TRAPPC3: variants seen among roughly 807,000 people sequenced by gnomAD.
TRAPPC3 encodes trafficking protein particle complex 3.
A neutral mutation model predicts 18.2 loss-of-function variants in TRAPPC3; 5 were observed. The ratio of observed to expected loss-of-function variants is 0.28; its 90% confidence interval spans 0.14 to 0.58. The LOEUF (loss-of-function observed/expected upper bound fraction) is 0.58. Among genes scored for constraint, TRAPPC3 ranks in the 20% least tolerant of loss-of-function variants. TRAPPC3 has a pLI of 0.91. For missense variants in TRAPPC3, 176 were observed against 225.9 expected, an observed-to-expected ratio of 0.78 and a Z score of 1.41; for synonymous variants, 65 against 84.2, an observed-to-expected ratio of 0.77 and a Z score of 1.25.
At chr1:36,144,909 T>G (rs1236571061) in intron 1 of TRAPPC3, among the ~76,000 whole-genome samples, 1 of 151,068 alleles carries the variant, frequency 6.6e-6, no homozygotes, top group Non-Finnish European at 1.5e-5. Flanking sequence ...CTGAACAAAG[T>G]AAATGAAACC....
intron 1 of TRAPPC3, among the ~76,000 whole-genome samples, chr1:36,142,385 C>T (rs938912358): frequency 3.3e-5 from 5 of 152,170 alleles, no homozygotes; most frequent in African/African-American, 9.7e-5. Flanking sequence ...AGAATTGGCA[C>T]CACTGCATTA....
Position 36,136,642 on chromosome 1 carries a change from A to G in TRAPPC3, c.*561T>C, listed in dbSNP as rs1460458697. 1 of 152,700 alleles carries G rather than the reference A, an allele frequency of 6.5e-6. No homozygotes were observed. Among genetic ancestry groups the G allele is most frequent in the Non-Finnish European group, 1.5e-5 (1 of 68,072 alleles). The allele number at this position is 152,700 out of a possible 1,614,324, so 9.5% of individuals were successfully genotyped here. ...AAAAAAGGATGTACCCTCTGTAAAA[A>G]GAGGAGATGTTGCCTCCAACAGCAG... is the stretch of plus-strand genomic sequence containing the variant. On this transcript the variant is annotated 3_prime_UTR_variant, in exon 5 of 5. Transcript: ENST00000373166.
intron 1 of TRAPPC3, among the ~76,000 whole-genome samples, chr1:36,148,167 T>C (rs1644227955): frequency 6.6e-6 from 1 of 152,200 alleles, no homozygotes; most frequent in Non-Finnish European, 1.5e-5. Flanking sequence ...TAACAAAATA[T>C]TCTCGTCTTT....
At chr1:36,139,981 G>GAA in intron 2 of TRAPPC3, 88 bp downstream of exon 2, 1 of 1,460,050 alleles carries the variant, frequency 6.8e-7, no homozygotes, top group South Asian at 1.4e-5. Flanking sequence ...GAAAGAGAGA[G>GAA]AACCCTGTTT....
rs370772368 is a variant in TRAPPC3 at position 36,149,312 on chromosome 1, G to A, written c.42+25C>T. The A allele has an allele frequency of 6.2e-6, 10 of 1,613,192 alleles. No individual in the cohort carries two copies. The African/African-American group carries it at 9.4e-5, about 15-fold the overall frequency. ...TGTACGCCTCAATTTCGCCCCGCCCGCCGAGGTCACGCGCTCCAAGTTACC... is the reference window on the plus strand; with the variant it reads ...TGTACGCCTCAATTTCGCCCCGCCCACCGAGGTCACGCGCTCCAAGTTACC... On this transcript the variant is annotated intron_variant, in intron 1 of 4. Coordinates refer to ENST00000373166, the MANE Select transcript of TRAPPC3 (RefSeq NM_014408.5).
At chr1:36,152,034 G>T (rs1644275317), upstream of TRAPPC3, among the ~76,000 whole-genome samples, 1 of 152,130 alleles carries the variant, frequency 6.6e-6, no homozygotes, top group African/African-American at 2.4e-5. Context: ...TTGAGGCTGG[G>T]GTGGGAGTGA....
At chr1:36,146,284 G>A (rs1455259838) in intron 1 of TRAPPC3, among the ~76,000 whole-genome samples, 12 of 135,676 alleles carry the variant, frequency 8.8e-5, no homozygotes, top group Admixed American at 7.1e-4. Flanking sequence ...TCACCATGTT[G>A]GCCAGGATGG....
chr1:36,144,289 CAAAAAAAAAA>C (rs58378686), intron 1 of TRAPPC3, among the ~76,000 whole-genome samples: 4 of 57,482 alleles, frequency 7.0e-5, no homozygotes, highest in African/African-American at 8.9e-5. Context: ...ACCCTGTCTC[CAAAAAAAAAA>C]AAAAAAAAAA....
rs1241605771 is a variant in TRAPPC3, at chr1:36,154,720, T to C, written c.-97+1163A>G. On this transcript the variant is annotated intron_variant, in intron 1 of 4. Transcript: ENST00000617904. ...TTCTGTGCTCAGCACTTCATTTCCA[T>C]TGCCTTATTTAATCTTTACAAAGAC... is the stretch of plus-strand genomic sequence containing the variant. Among the ~76,000 whole-genome samples, 4 of 152,204 alleles carry C rather than the reference T, an allele frequency of 2.6e-5. No individual in the cohort carries two copies. In the South Asian group the frequency reaches 8.3e-4, roughly 31 times the overall value.
At chr1:36,144,518 G>T (rs573632584) in intron 1 of TRAPPC3, among the ~76,000 whole-genome samples, 10 of 152,090 alleles carry the variant, frequency 6.6e-5, no homozygotes, top group African/African-American at 2.4e-4. Flanking sequence ...GCTGGGCATG[G>T]TGGTACATGC....
upstream of TRAPPC3, among the ~76,000 whole-genome samples, chr1:36,154,285 G>C (rs1311572638): frequency 6.6e-6 from 1 of 152,130 alleles, no homozygotes; most frequent in Admixed American, 6.5e-5. Context: ...ATTACAGTGT[G>C]AGCCACCACA....
chr1:36,138,642 T>TA (rs1187000125), intron 3 of TRAPPC3, among the ~76,000 whole-genome samples: 2 of 152,220 alleles, frequency 1.3e-5, no homozygotes, highest in Non-Finnish European at 2.9e-5. Flanking sequence ...AACACTATGC[T>TA]AAACACTAGC....
intron 1 of TRAPPC3, among the ~76,000 whole-genome samples, chr1:36,147,376 G>A (rs1302464192): frequency 1.3e-5 from 2 of 151,840 alleles, no homozygotes; most frequent in Admixed American, 1.3e-4. Context: ...GAACACAGAT[G>A]CAATCCCAGT....
Position 36,137,202 on chromosome 1 carries a change from G to T in TRAPPC3, c.*1C>A. Reference sequence around the variant, plus strand: ...TGGCTATCCTCGAGTTGTAGGGATGGTTATTCCTCTCCAGCTGGAAGATTG... The same window carrying T: ...TGGCTATCCTCGAGTTGTAGGGATGTTTATTCCTCTCCAGCTGGAAGATTG... On this transcript the variant is annotated 3_prime_UTR_variant, in exon 5 of 5. Coordinates refer to ENST00000373166, the MANE Select transcript of TRAPPC3 (RefSeq NM_014408.5). The T allele has an allele frequency of 6.2e-7, 1 of 1,608,374 alleles. No homozygotes were observed. The highest frequency in any genetic ancestry group is 1.7e-4 in the Middle Eastern group (1 of 6,038).
Position 36,142,105 on chromosome 1 carries a change from G to A in TRAPPC3, c.43-1939C>T, listed in dbSNP as rs181439431. 3.4e-3 allele frequency among the ~76,000 whole-genome samples: 520 copies of A among 151,660 alleles called. 3 individuals carry two copies. The highest frequency in any genetic ancestry group is 7.4e-3 in the Admixed American group (112 of 15,210). On this transcript the variant is annotated intron_variant, in intron 1 of 4. Transcript: ENST00000373166. Reference sequence around the variant, plus strand: ...TTCCCCACAACTGTAGTATTAATAAGCCCTCCTCAATAAAAACAAAAACAG... The same window carrying A: ...TTCCCCACAACTGTAGTATTAATAAACCCTCCTCAATAAAAACAAAAACAG...
intron 4 of TRAPPC3, 134 bp downstream of exon 4, chr1:36,137,662 G>T: frequency 1.1e-6 from 1 of 935,936 alleles, no homozygotes. Context: ...TCCTACCTCA[G>T]CAGCATCACC....
chr1:36,138,173 A>G (rs767272303), intron 3 of TRAPPC3, 195 bp from the exon 4 acceptor site: 1 of 1,551,044 alleles, frequency 6.4e-7, no homozygotes, highest in South Asian at 1.2e-5. Context: ...CCTTCACGGC[A>G]TCATACAGTT....
At chr1:36,153,748 G>T (rs1008771591), upstream of TRAPPC3, among the ~76,000 whole-genome samples, 1 of 152,078 alleles carries the variant, frequency 6.6e-6, no homozygotes, top group South Asian at 2.1e-4. Context: ...ATTGCCCTTG[G>T]TTGAGAACCC....
At chr1:36,155,176 C>A (rs1644306799) in intron 1 of TRAPPC3, among the ~76,000 whole-genome samples, 1 of 152,194 alleles carries the variant, frequency 6.6e-6, no homozygotes. Context: ...GTGGGCAGGG[C>A]ACAGCTGCCC....
Sources: gnomAD v4.1 joint callset for allele counts (sites outside exome capture counted in the v4.1 genomes callset) on GRCh38, gnomAD v4.1.1 for gene constraint, MANE v1.5 for transcripts, NCBI Gene and HGNC (gene_info 2026-07-23, HGNC 2026-07-21) for gene names.